Variants in SCLT1 observed in about 807,000 individuals in gnomAD.
SCLT1 encodes sodium channel-associated protein 1.
A neutral mutation model predicts 112.8 loss-of-function variants in SCLT1; 78 were observed. The observed-to-expected ratio is 0.69, with a 90% CI of 0.58 to 0.83. The LOEUF is 0.83. Among genes scored for constraint, SCLT1 ranks in the 40% least tolerant of loss-of-function variants. The pLI is 0.00. For missense variants in SCLT1, 747 were observed against 770.4 expected (o/e 0.97, Z 0.36); for synonymous variants, 257 against 254.7 (o/e 1.01, Z -0.09).
At chr4:129,020,314 T>C (rs1204968936) in intron 5 of SCLT1, among the ~76,000 whole-genome samples, 1 of 152,226 alleles carries the variant, frequency 6.6e-6, no homozygotes, top group African/African-American at 2.4e-5. Flanking sequence ...GTTACAGTCA[T>C]GGTATCTGCC....
At chr4:128,904,533 C>A (rs1340581799) in intron 18 of SCLT1, among the ~76,000 whole-genome samples, 4 of 152,120 alleles carry the variant, frequency 2.6e-5, no homozygotes, top group African/African-American at 9.7e-5. Flanking sequence ...GATCTTTCAG[C>A]CCTTCCCTCT....
At chr4:129,057,094 C>A (rs997629339) in intron 2 of SCLT1, among the ~76,000 whole-genome samples, 1 of 152,032 alleles carries the variant, frequency 6.6e-6, no homozygotes, top group South Asian at 2.1e-4. Context: ...TTGAGATTAT[C>A]GTATGGTTTT....
intron 18 of SCLT1, among the ~76,000 whole-genome samples, chr4:128,900,178 G>T (rs900671391): frequency 7.9e-5 from 12 of 151,990 alleles, no homozygotes; most frequent in Middle Eastern, 3.2e-3. Context: ...AAAACTACTT[G>T]AAAGTTCATA....
chr4:128,934,183 CG>C (rs1736999024), intron 18 of SCLT1, among the ~76,000 whole-genome samples: 2 of 151,632 alleles, frequency 1.3e-5, no homozygotes, highest in Admixed American at 6.6e-5. Flanking sequence ...CATTCTGTCC[CG>C]CTCTCTCCTC....
chr4:128,932,795 T>C (rs1354554906), intron 18 of SCLT1, among the ~76,000 whole-genome samples: 1 of 152,104 alleles, frequency 6.6e-6, no homozygotes, highest in African/African-American at 2.4e-5. Context: ...GCATTTTCCA[T>C]ACATTAACAG....
At chr4:128,891,233 T>C in intron 18 of SCLT1, 96 bp from the exon 19 acceptor site, 1 of 900,302 alleles carries the variant, frequency 1.1e-6, no homozygotes, top group Non-Finnish European at 1.8e-6. Context: ...TGAACAAAAA[T>C]ATCATCTTGA....
At chr4:129,018,931 T>C (rs1675245742) in intron 5 of SCLT1, among the ~76,000 whole-genome samples, 1 of 152,132 alleles carries the variant, frequency 6.6e-6, no homozygotes, top group Admixed American at 6.5e-5. Flanking sequence ...ACATTTCTGA[T>C]TAAATTTTTT....
At chr4:128,929,752 GACT>G (rs1736606373) in intron 18 of SCLT1, among the ~76,000 whole-genome samples, 1 of 152,220 alleles carries the variant, frequency 6.6e-6, no homozygotes, top group South Asian at 2.1e-4. Flanking sequence ...GGAAAAGAGA[GACT>G]TGTCATTAAA....
rs187986343 is a variant in SCLT1, at chr4:129,008,711, T to C, written c.291-4835A>G. Reference sequence around the variant, plus strand: ...CAGGGGTACATGTACAGGTTTGTTATATAGGTAAGCTTGTGTCACTGAGGT... The same window carrying C: ...CAGGGGTACATGTACAGGTTTGTTACATAGGTAAGCTTGTGTCACTGAGGT... On this transcript the variant is annotated intron_variant, in intron 5 of 20. Transcript: ENST00000281142. Among the ~76,000 whole-genome samples the C allele has an allele frequency of 3.5e-3, 539 of 152,308 alleles. 8 individuals carry two copies. Among genetic ancestry groups the C allele is most frequent in the African/African-American group, 0.012 (513 of 41,570 alleles).
At chr4:129,074,328 C>T (rs1751275255) in intron 2 of SCLT1, among the ~76,000 whole-genome samples, 1 of 151,952 alleles carries the variant, frequency 6.6e-6, no homozygotes, top group African/African-American at 2.4e-5. Context: ...ATAACAATTG[C>T]TAAGAAAATA....
intron 20 of SCLT1, among the ~76,000 whole-genome samples, chr4:128,886,530 A>G (rs1037415242): frequency 8.5e-5 from 13 of 152,176 alleles, no homozygotes; most frequent in Admixed American, 7.2e-4. Flanking sequence ...GATCACTTGG[A>G]CTCATTTAAA....
chr4:128,967,487 T>C (rs1195199480), intron 10 of SCLT1, among the ~76,000 whole-genome samples: 2 of 152,222 alleles, frequency 1.3e-5, no homozygotes, highest in South Asian at 2.1e-4. Context: ...TGGATAAACA[T>C]TCCCTTTTCT....
At position 128,981,734 on chromosome 4, in the gene SCLT1, C is replaced by T. The variant is rs568640527; in HGVS notation, c.686+10433G>A. On this transcript the variant is annotated intron_variant, in intron 9 of 20. Transcript: ENST00000281142. ...TGAATAATAATAAAACTCTGCTCTC[C>T]CACAAAAAAAAAAAAGAAAAAAAAA... Among the ~76,000 whole-genome samples, 17 of 149,118 alleles carry T rather than the reference C, an allele frequency of 1.1e-4. No homozygotes were observed. The South Asian group carries it at 3.6e-3, about 32-fold the overall frequency.
intron 2 of SCLT1, among the ~76,000 whole-genome samples, chr4:129,045,250 C>T (rs150636978): frequency 3.9e-5 from 6 of 152,180 alleles, no homozygotes; most frequent in Non-Finnish European, 8.8e-5. Flanking sequence ...GCAGCGCCTG[C>T]CATACTTTTT....
intron 8 of SCLT1, among the ~76,000 whole-genome samples, chr4:128,992,970 C>T (rs1742704402): frequency 6.6e-6 from 1 of 151,926 alleles, no homozygotes; most frequent in African/African-American, 2.4e-5. Flanking sequence ...ATTATGGTTG[C>T]TCCCGATTGA....
intron 7 of SCLT1, among the ~76,000 whole-genome samples, chr4:128,999,394 A>AT (rs1258514048): frequency 6.6e-6 from 1 of 151,972 alleles, no homozygotes; most frequent in Non-Finnish European, 1.5e-5. Flanking sequence ...TTGAAGGTTT[A>AT]TTTATACAAA....
chr4:128,903,039 C>G (rs1215709430), intron 18 of SCLT1, among the ~76,000 whole-genome samples: 1 of 149,348 alleles, frequency 6.7e-6, no homozygotes, highest in Non-Finnish European at 1.5e-5. Flanking sequence ...GAATATAGCT[C>G]TTGAAGGACT....
chr4:128,989,929 TAACA>T lies in SCLT1; in HGVS notation c.686+2234_686+2237del, dbSNP rs201352951. Among the ~76,000 whole-genome samples the T allele has an allele frequency of 3.9e-3, 570 of 144,650 alleles. 1 individual carries two copies. Among genetic ancestry groups the T allele is most frequent in the African/African-American group, 0.012 (472 of 40,522 alleles). 94.9% of individuals were successfully genotyped at this position (144,650 alleles called of 152,430 possible). Reference sequence around the variant, plus strand: ...GAAATACAAAACTTGAATAGACCAATAACAAACAAGGAGATAGAAGTGGCAATAA... The same window carrying T: ...GAAATACAAAACTTGAATAGACCAATAACAAGGAGATAGAAGTGGCAATAA... On this transcript the variant is annotated intron_variant, in intron 9 of 20. Coordinates refer to ENST00000281142, the MANE Select transcript of SCLT1 (RefSeq NM_144643.4).
At chr4:128,885,382 T>C (rs1054190674) in intron 20 of SCLT1, among the ~76,000 whole-genome samples, 5 of 152,350 alleles carry the variant, frequency 3.3e-5, no homozygotes, top group Admixed American at 2.6e-4. Flanking sequence ...GTAAATATTT[T>C]AAATGAGAAT....
Sources: allele counts gnomAD v4.1 joint callset (sites outside exome capture counted in the v4.1 genomes callset), GRCh38; gene constraint gnomAD v4.1.1; transcripts MANE v1.5; gene names NCBI Gene and HGNC (gene_info 2026-07-23, HGNC 2026-07-21).